The following SELENON variants were observed in gnomAD, a reference collection of about 807,000 sequenced individuals.
SELENON encodes the protein selenoprotein N, 1.
A neutral mutation model predicts 59.5 loss-of-function variants in SELENON; 44 were observed. That is an observed-to-expected ratio of 0.74 (90% CI 0.58 to 0.95). The LOEUF (loss-of-function observed/expected upper bound fraction) is 0.95. Ranked by LOEUF, SELENON falls within the 40% of genes least tolerant of loss-of-function variation. The pLI, the probability that SELENON is intolerant of heterozygous loss-of-function variation, is 0.00. For missense variants in SELENON, 674 were observed against 721.4 expected, an observed-to-expected ratio of 0.93 and a Z score of 0.75; for synonymous variants, 320 against 305.6, an observed-to-expected ratio of 1.05 and a Z score of -0.49.
chr1:25,812,504 T>C (rs1336698671), intron 9 of SELENON, among the ~76,000 whole-genome samples, 183 bp from the exon 9 acceptor site: 1 of 151,114 alleles, frequency 6.6e-6, no homozygotes, highest in Non-Finnish European at 1.5e-5. Context: ...CACAAACATA[T>C]ATACACATAC....
At chr1:25,814,279 C>A in intron 12 of SELENON, 101 bp downstream of exon 11, 1 of 855,618 alleles carries the variant, frequency 1.2e-6, no homozygotes, top group Non-Finnish European at 1.9e-6. Flanking sequence ...GGCTTCGGGA[C>A]TGTCCCTGCC....
At position 25,811,836 on chromosome 1, in the gene SELENON, A is replaced by C. The variant is rs748990756; in HGVS notation, c.1238A>C (p.Glu413Ala). ...TGGCAGCAGGAGCTGAGCTGGGAGGAGGCTGCCCGGCGCCTGGAGGTGGCC... is the reference window on the plus strand; with the variant it reads ...TGGCAGCAGGAGCTGAGCTGGGAGGCGGCTGCCCGGCGCCTGGAGGTGGCC... The change falls in exon 9 of 13, where the codon GAG becomes GCG. Residue 413 changes from glutamate (E) to alanine (A), a missense_variant. Coordinates refer to ENST00000361547, the MANE Select transcript of SELENON (RefSeq NM_020451.3). 6.3e-7 allele frequency: 1 copy of C among 1,582,370 alleles called. No homozygotes were observed. Among genetic ancestry groups the C allele is most frequent in the East Asian group, 2.3e-5 (1 of 43,582 alleles).
rs767154232 is a variant in SELENON at position 25,815,735 on chromosome 1, C to A, written c.*17C>A. On this transcript the variant is annotated 3_prime_UTR_variant, in exon 13 of 13. Transcript: ENST00000361547. ...CAGCCCTAGAGTGCCTGGACGGGAT[C>A]TGATGCACAGGCCCCCACGCCTCAG... The A allele has an allele frequency of 4.4e-5, 71 of 1,612,892 alleles. No individual in the cohort carries two copies. Among genetic ancestry groups the A allele is most frequent in the Non-Finnish European group, 5.8e-5 (68 of 1,179,800 alleles).
intron 4 of SELENON, 124 bp downstream of exon 3, chr1:25,805,399 G>T: frequency 7.6e-7 from 1 of 1,315,688 alleles, no homozygotes; most frequent in Non-Finnish European, 1.1e-6. Flanking sequence ...GGAGGTCCAT[G>T]TGCGGTGATG....
intron 7 of SELENON, among the ~76,000 whole-genome samples, chr1:25,810,113 C>T (rs1451874344): frequency 6.6e-6 from 1 of 152,228 alleles, no homozygotes; most frequent in Admixed American, 6.5e-5. Context: ...ATACTGCTGA[C>T]AGGCCCCAGG....
chr1:25,812,846 G>T, intron 10 of SELENON, 54 bp downstream of exon 9: 1 of 1,357,830 alleles, frequency 7.4e-7, no homozygotes, highest in East Asian at 2.4e-5. Context: ...ACACCTTGTG[G>T]GGTACCAGAG....
At chr1:25,804,300 G>A (rs949612961) in intron 3 of SELENON, among the ~76,000 whole-genome samples, 1 of 152,132 alleles carries the variant, frequency 6.6e-6, no homozygotes, top group African/African-American at 2.4e-5. Context: ...CATCCTGGGT[G>A]ATTTTGAGGA....
At chr1:25,811,966 G>C in intron 9 of SELENON, 87 bp downstream of exon 8, 1 of 1,342,510 alleles carries the variant, frequency 7.4e-7, no homozygotes, top group Non-Finnish European at 1.0e-6. Context: ...ACAGACGCTG[G>C]TATGTGTGCA....
Position 25,817,580 on chromosome 1 carries a change from C to T in SELENON, c.*1862C>T, listed in dbSNP as rs746237097. On this transcript the variant is annotated 3_prime_UTR_variant, in exon 13 of 13. Coordinates refer to ENST00000361547, the MANE Select transcript of SELENON (RefSeq NM_020451.3). ...CACGCACCTTCTCACTTAATCCTCACGACAAGCCTGTGAGGCAGATGCTCA... is the reference window on the plus strand; with the variant it reads ...CACGCACCTTCTCACTTAATCCTCATGACAAGCCTGTGAGGCAGATGCTCA... 2 of 152,232 alleles carry T rather than the reference C, an allele frequency of 1.3e-5. No individual in the cohort carries two copies. Among genetic ancestry groups the T allele is most frequent in the Admixed American group, 1.3e-4 (2 of 15,282 alleles). 9.4% of individuals were successfully genotyped at this position (152,232 alleles called of 1,614,324 possible).
At position 25,804,660 on chromosome 1, in the gene SELENON, C is replaced by T. The variant is rs576151945; in HGVS notation, c.404-482C>T. On this transcript the variant is annotated intron_variant, in intron 3 of 12. Coordinates refer to ENST00000361547, the MANE Select transcript of SELENON (RefSeq NM_020451.3). ...GCCCCCCCCGCCCCCCCCCCCCCGC[C>T]GCAAAAAAAAAAAAAGCAGGGGAAA... Among the ~76,000 whole-genome samples the T allele has an allele frequency of 2.3e-4, 28 of 123,956 alleles. 1 individual carries two copies. In the South Asian group the frequency reaches 6.6e-3, roughly 29 times the overall value. The allele number at this position is 123,956 out of a possible 152,430, so 81.3% of individuals were successfully genotyped here. A position where few individuals can be genotyped will look rare whatever the true frequency, so the allele number is the denominator to read the frequency against.
intron 5 of SELENON, 73 bp downstream of exon 4, chr1:25,808,862 T>G: frequency 6.3e-7 from 1 of 1,585,860 alleles, no homozygotes; most frequent in Non-Finnish European, 8.7e-7. Flanking sequence ...TGTCTGCGCC[T>G]GGACCCCAGT....
chr1:25,802,567 G>C (rs372993843), intron 3 of SELENON, among the ~76,000 whole-genome samples: 2 of 152,136 alleles, frequency 1.3e-5, no homozygotes, highest in East Asian at 3.9e-4. Flanking sequence ...TGTTAGCTAG[G>C]CTGGTCTCGA....
intron 10 of SELENON, 154 bp from the exon 10 acceptor site, chr1:25,813,727 A>G (rs780753944): frequency 2.9e-6 from 2 of 692,452 alleles, no homozygotes; most frequent in South Asian, 1.5e-5. Flanking sequence ...AATTCCAACT[A>G]TCATTTATTC....
chr1:25,800,234 G>A lies in SELENON; in HGVS notation c.4G>A (p.Gly2Ser). Residue 2 changes from glycine (G) to serine (S), a missense_variant, in exon 1 of 13, where the codon GGC (glycine) becomes AGC (serine). Coordinates refer to ENST00000361547, the MANE Select transcript of SELENON (RefSeq NM_020451.3). ...GCAGCCGCCGCCAGCCGCAGCCATG[G>A]GCCGGGCCCGGCCGGGCCAACGCGG... is the stretch of plus-strand genomic sequence containing the variant. The A allele has an allele frequency of 2.5e-6, 2 of 812,100 alleles. No individual in the cohort carries two copies. The highest frequency in any genetic ancestry group is 3.0e-6 in the Non-Finnish European group (2 of 674,510). The allele number at this position is 812,100 out of a possible 1,614,324, so 50.3% of individuals were successfully genotyped here.
intron 2 of SELENON, among the ~76,000 whole-genome samples, 187 bp downstream of exon 2, chr1:25,801,347 T>G (rs2047859520): frequency 6.6e-6 from 1 of 152,170 alleles, no homozygotes; most frequent in African/African-American, 2.4e-5. Context: ...AGCCTGTTTT[T>G]CTCAGACTTG....
chr1:25,816,595 A>C lies in SELENON; in HGVS notation c.*877A>C, dbSNP rs970285202. ...TCTCCAGAGCCGGCACTGTCCCGGC[A>C]ACCAGGGGTGCCCCAGGCTAGCTCT... On this transcript the variant is annotated 3_prime_UTR_variant, in exon 13 of 13. Transcript: ENST00000361547. 6.6e-6 allele frequency: 1 copy of C among 152,642 alleles called. No homozygotes were observed. Among genetic ancestry groups the C allele is most frequent in the Non-Finnish European group, 1.5e-5 (1 of 68,090 alleles). The allele number at this position is 152,642 out of a possible 1,614,324, so 9.5% of individuals were successfully genotyped here.
At chr1:25,805,361 C>T in intron 4 of SELENON, 86 bp downstream of exon 3, 3 of 1,583,842 alleles carry the variant, frequency 1.9e-6, no homozygotes, top group Non-Finnish European at 1.7e-6. Context: ...TTCCTCTGCC[C>T]TCTGTGTGCC....
At chr1:25,808,239 G>A (rs2047924447) in intron 4 of SELENON, among the ~76,000 whole-genome samples, 1 of 152,218 alleles carries the variant, frequency 6.6e-6, no homozygotes, top group South Asian at 2.1e-4. Context: ...GTGAGGCACA[G>A]AGCCCCACCA....
intron 7 of SELENON, among the ~76,000 whole-genome samples, chr1:25,810,970 CTG>C (rs2047954274): frequency 6.6e-6 from 1 of 152,218 alleles, no homozygotes; most frequent in African/African-American, 2.4e-5. Context: ...GCTCTGCCCT[CTG>C]TGCCCCCTGC....
Sources: allele counts gnomAD v4.1 joint callset (sites outside exome capture counted in the v4.1 genomes callset), GRCh38; gene constraint gnomAD v4.1.1; transcripts MANE v1.5; gene names NCBI Gene and HGNC (gene_info 2026-07-23, HGNC 2026-07-21).